GABRB2: variants seen among roughly 807,000 people sequenced by gnomAD.
GABRB2 encodes gamma-aminobutyric acid type A receptor subunit beta2, also known as gamma-aminobutyric acid receptor subunit beta-2.
GABRB2 carries 16 observed loss-of-function variants against 54.7 expected under a neutral mutation model. The ratio of observed to expected loss-of-function variants is 0.29; its 90% CI spans 0.20 to 0.44. The LOEUF is 0.44. GABRB2 is among the 20% of genes least tolerant of loss of function. The pLI is 1.00. For synonymous variants in GABRB2, 244 were observed against 233.8 expected (o/e 1.04, Z -0.40); for missense variants, 355 against 644.0 (o/e 0.55, Z 4.86).
chr5:161,340,663 G>C (rs1754130588), intron 5 of GABRB2, among the ~76,000 whole-genome samples: 1 of 151,454 alleles, frequency 6.6e-6, no homozygotes, highest in Non-Finnish European at 1.5e-5. Context: ...ACTTCATAGA[G>C]CTGTCAGGCA....
chr5:161,346,297 C>T (rs915304524), intron 5 of GABRB2, among the ~76,000 whole-genome samples: 4 of 152,092 alleles, frequency 2.6e-5, no homozygotes, highest in African/African-American at 7.2e-5. Context: ...CCACAATTTT[C>T]TCCAGAAGGA....
chr5:161,411,099 A>ACTT (rs1208437491), intron 4 of GABRB2, 42 bp from the exon 5 acceptor site: 1 of 1,459,512 alleles, frequency 6.9e-7, no homozygotes, highest in African/African-American at 1.4e-5. Flanking sequence ...TAGCAGGTCT[A>ACTT]AGGCTGGAGC....
intron 5 of GABRB2, among the ~76,000 whole-genome samples, chr5:161,363,332 G>A (rs1754873350): frequency 6.6e-6 from 1 of 151,964 alleles, no homozygotes; most frequent in East Asian, 1.9e-4. Context: ...GAACAATGAG[G>A]ACACATGGAG....
At chr5:161,512,646 A>G (rs934495880) in intron 3 of GABRB2, among the ~76,000 whole-genome samples, 2 of 152,134 alleles carry the variant, frequency 1.3e-5, no homozygotes, top group Non-Finnish European at 2.9e-5. Context: ...CATTCTGGAC[A>G]TTAGCTTTGG....
chr5:161,535,452 A>T (rs370033986), intron 3 of GABRB2, among the ~76,000 whole-genome samples: 1 of 152,218 alleles, frequency 6.6e-6, no homozygotes, highest in African/African-American at 2.4e-5. Flanking sequence ...TTCCAAAAAA[A>T]TAAGAGTAAA....
At chr5:161,363,064 A>G (rs1215167248) in intron 5 of GABRB2, among the ~76,000 whole-genome samples, 2 of 152,202 alleles carry the variant, frequency 1.3e-5, no homozygotes, top group African/African-American at 4.8e-5. Context: ...TTCTGCTATA[A>G]AGACACATGC....
chr5:161,385,304 C>T (rs980726372), intron 5 of GABRB2, among the ~76,000 whole-genome samples: 4 of 152,206 alleles, frequency 2.6e-5, no homozygotes, highest in Non-Finnish European at 2.9e-5. Flanking sequence ...ACTGCAAAAT[C>T]TCTCATAAAC....
chr5:161,503,709 C>CAAA (rs33992062), intron 3 of GABRB2, among the ~76,000 whole-genome samples: 13 of 91,658 alleles, frequency 1.4e-4, no homozygotes, highest in Admixed American at 6.8e-4. Flanking sequence ...AATTCCTTCT[C>CAAA]AAAAAAAAAA....
rs1561659560 is a variant in GABRB2, at chr5:161,463,576, T to TAG, written c.238-3733_238-3732insCT. On this transcript the variant is annotated intron_variant, in intron 3 of 9. Transcript: ENST00000393959. Reference sequence around the variant, plus strand: ...TTATTTATATATATATATATATATATATATATATATATATATATATATATG... The same window carrying TAG: ...TTATTTATATATATATATATATATATAGATATATATATATATATATATATATG... 4.2e-4 allele frequency among the ~76,000 whole-genome samples: 52 copies of TAG among 122,762 alleles called. 2 individuals carry two copies. Among genetic ancestry groups the TAG allele is most frequent in the Non-Finnish European group, 8.3e-4 (48 of 58,178 alleles). The allele number at this position is 122,762 out of a possible 152,430, so 80.5% of individuals were successfully genotyped here.
chr5:161,405,726 T>C (rs772675787), intron 5 of GABRB2, among the ~76,000 whole-genome samples: 5 of 152,100 alleles, frequency 3.3e-5, no homozygotes, highest in South Asian at 2.1e-4. Context: ...ACTGCATTTA[T>C]GTTTACTGAA....
intron 4 of GABRB2, among the ~76,000 whole-genome samples, chr5:161,427,195 G>A (rs1218613691): frequency 6.6e-6 from 1 of 152,126 alleles, no homozygotes; most frequent in Non-Finnish European, 1.5e-5. Context: ...TGTCTAACTG[G>A]AGAAGAAGAA....
At chr5:161,508,174 A>G (rs1244246943) in intron 3 of GABRB2, among the ~76,000 whole-genome samples, 1 of 151,446 alleles carries the variant, frequency 6.6e-6, no homozygotes, top group Non-Finnish European at 1.5e-5. Flanking sequence ...CTAGATATAA[A>G]CCTATTTATG....
At position 161,459,704 on chromosome 5, in the gene GABRB2, C is replaced by T; in HGVS notation, c.378G>A (p.Lys126=). The change falls in exon 4 of 10, where the codon AAG becomes AAA. Residue 126 remains lysine (K), a synonymous_variant. Transcript: ENST00000393959. The part of the protein sequence containing the change: ...WVPDTYFLND[K]KSFVHGVTVK... The stretch of plus-strand genomic sequence containing the variant: ...CAGTCACTCCGTGCACAAATGACTT[C>T]TTATCGTTCAGGAAATAGGTATCAG... The T allele has an allele frequency of 6.2e-7, 1 of 1,614,142 alleles. No individual in the cohort carries two copies. The highest frequency in any genetic ancestry group is 8.5e-7 in the Non-Finnish European group (1 of 1,180,026).
chr5:161,325,583 T>C (rs994998048), intron 9 of GABRB2, among the ~76,000 whole-genome samples: 4 of 152,114 alleles, frequency 2.6e-5, no homozygotes, highest in African/African-American at 9.7e-5. Context: ...CAAGTCCTCA[T>C]AGAAAAGATT....
At chr5:161,483,182 T>G (rs555844850) in intron 3 of GABRB2, among the ~76,000 whole-genome samples, 2 of 152,130 alleles carry the variant, frequency 1.3e-5, no homozygotes, top group South Asian at 2.1e-4. Flanking sequence ...AAACACACCT[T>G]GAGACGTGAT....
intron 3 of GABRB2, among the ~76,000 whole-genome samples, chr5:161,466,676 G>A (rs981131246): frequency 6.6e-6 from 1 of 151,996 alleles, no homozygotes; most frequent in African/African-American, 2.4e-5. Context: ...TGGATGTGTG[G>A]TGCAGCATCT....
At chr5:161,362,549 A>G (rs1754845427) in intron 5 of GABRB2, among the ~76,000 whole-genome samples, 1 of 152,204 alleles carries the variant, frequency 6.6e-6, no homozygotes, top group South Asian at 2.1e-4. Context: ...TAAACTAAAG[A>G]GCTTCTGCAC....
At chr5:161,295,904 G>A (rs1225328843) in intron 9 of GABRB2, among the ~76,000 whole-genome samples, 1 of 152,166 alleles carries the variant, frequency 6.6e-6, no homozygotes, top group Non-Finnish European at 1.5e-5. Context: ...AAACAAAGCT[G>A]AATAAATGTT....
chr5:161,390,273 C>A (rs1301412886), intron 5 of GABRB2, among the ~76,000 whole-genome samples: 2 of 151,978 alleles, frequency 1.3e-5, no homozygotes, highest in African/African-American at 4.8e-5. Context: ...TTGGGCAAAC[C>A]AGTCTAATGA....
Sources: allele counts gnomAD v4.1 joint callset (sites outside exome capture counted in the v4.1 genomes callset), GRCh38; gene constraint gnomAD v4.1.1; transcripts MANE v1.5; gene names NCBI Gene and HGNC (gene_info 2026-07-23, HGNC 2026-07-21).